The following FGF13 variants were observed in gnomAD, a reference collection of about 807,000 sequenced individuals.
FGF13 encodes the protein fibroblast growth factor 13, also known as fibroblast growth factor homologous factor 2.
A neutral mutation model predicts 19.5 loss-of-function variants in FGF13; 2 were observed. That is an observed-to-expected ratio of 0.10 (90% confidence interval 0.04 to 0.32). The LOEUF (loss-of-function observed/expected upper bound fraction) is 0.32. Ranked by LOEUF, FGF13 falls within the 10% of genes least tolerant of loss-of-function variation. FGF13 has a pLI of 1.00. For synonymous variants in FGF13, 72 were observed against 76.9 expected (o/e 0.94, Z 0.33); for missense variants, 113 against 192.7 (o/e 0.59, Z 2.45).
At chrX:138,742,531 A>G (rs1310395370), upstream of FGF13, among the ~76,000 whole-genome samples, 1 of 111,016 alleles carries the variant, frequency 9.0e-6, no homozygotes, top group Non-Finnish European at 1.9e-5. Context: ...TTGACGAATA[A>G]TACCCCGGAG....
chrX:139,065,841 C>T (rs891932916), intron 1 of FGF13, among the ~76,000 whole-genome samples: 1 of 111,640 alleles, frequency 9.0e-6, no homozygotes, highest in African/African-American at 3.3e-5. Flanking sequence ...ATCTACAGAA[C>T]TCTGCACCCT....
chrX:138,697,105 A>G (rs2089903828), intron 3 of FGF13, among the ~76,000 whole-genome samples: 1 of 112,238 alleles, frequency 8.9e-6, no homozygotes, highest in South Asian at 3.7e-4. Context: ...ATATTAACTT[A>G]GGCATGTAAC....
intron 3 of FGF13, among the ~76,000 whole-genome samples, chrX:138,681,821 T>C (rs1030792025): frequency 7.2e-5 from 8 of 111,753 alleles, no homozygotes; most frequent in African/African-American, 2.3e-4. Flanking sequence ...GATGGGGGAA[T>C]GGCCTGTCAG....
At chrX:138,880,031 G>C (rs773998369) in intron 1 of FGF13, among the ~76,000 whole-genome samples, 3 of 112,213 alleles carry the variant, frequency 2.7e-5, no homozygotes, top group Non-Finnish European at 3.8e-5. Flanking sequence ...GATATAAACA[G>C]ACACTTCTTA....
At chrX:139,149,937 T>C (rs994716651) in intron 1 of FGF13, among the ~76,000 whole-genome samples, 1 of 111,367 alleles carries the variant, frequency 9.0e-6, no homozygotes, top group African/African-American at 3.3e-5. Flanking sequence ...AGGTGCACAA[T>C]TGCACACACC....
At chrX:138,967,436 T>C (rs1014673967) in intron 1 of FGF13, among the ~76,000 whole-genome samples, 3 of 111,501 alleles carry the variant, frequency 2.7e-5, no homozygotes, top group African/African-American at 9.8e-5. Flanking sequence ...AGGAGAGCCA[T>C]TAAGAAAAAA....
At chrX:138,707,669 T>C (rs1035426430) in intron 2 of FGF13, among the ~76,000 whole-genome samples, 4 of 112,174 alleles carry the variant, frequency 3.6e-5, no homozygotes, top group African/African-American at 9.7e-5. Flanking sequence ...AACAGTGACA[T>C]AGAACTTTTG....
At chrX:138,764,615 G>A (rs894611337) in intron 3 of FGF13, among the ~76,000 whole-genome samples, 10 of 112,356 alleles carry the variant, frequency 8.9e-5, no homozygotes, top group African/African-American at 3.2e-4. Flanking sequence ...TATAGAACCT[G>A]CCATTAGTTA....
At chrX:138,687,480 A>C (rs1024146860) in intron 3 of FGF13, among the ~76,000 whole-genome samples, 3 of 112,122 alleles carry the variant, frequency 2.7e-5, no homozygotes, top group African/African-American at 9.7e-5. Flanking sequence ...AAAATGGCTA[A>C]TATAAAACAA....
Position 138,782,441 on chromosome X carries a change from A to C in FGF13, c.218-73513T>G, listed in dbSNP as rs1218486574. 1.7e-4 allele frequency among the ~76,000 whole-genome samples: 19 copies of C among 111,044 alleles called. No individual in the cohort carries two copies. In the Admixed American group the frequency reaches 1.8e-3, roughly 11 times the overall value. ...ATTGTCTCAGCCCAAAATCTCCTTA[A>C]GCTGATAAGCAACTTCAGCAAAGTC... On this transcript the variant is annotated intron_variant, in intron 3 of 6. Transcript: ENST00000436198.
chrX:138,992,599 G>A (rs1370099057), intron 1 of FGF13, among the ~76,000 whole-genome samples: 1 of 110,319 alleles, frequency 9.1e-6, no homozygotes, highest in South Asian at 3.9e-4. Flanking sequence ...AAATACCTTG[G>A]AGTATATACT....
rs56411673 is a variant in FGF13 at position 138,772,018 on chromosome X, GTATATATATATATATATA to G, written c.218-63108_218-63091del. Among the ~76,000 whole-genome samples the G allele has an allele frequency of 5.5e-4, 31 of 56,520 alleles. 1 individual carries two copies. The highest frequency in any genetic ancestry group is 1.2e-3 in the South Asian group (1 of 837). The allele number at this position is 56,520 out of a possible 115,157, so 49.1% of individuals were successfully genotyped here. ...AAAGCAAATATTAAGATACATATGTGTATATATATATATATATATATATATATATATATATATATAGTA... is the reference window on the plus strand; with the variant it reads ...AAAGCAAATATTAAGATACATATGTGTATATATATATATATATATATAGTA... On this transcript the variant is annotated intron_variant, in intron 3 of 6. Transcript: ENST00000436198.
At position 138,627,311 on chromosome X, in the gene FGF13, C is replaced by A. The variant is rs1372260323; in HGVS notation, c.*5539G>T. On this transcript the variant is annotated 3_prime_UTR_variant, in exon 5 of 5. Coordinates refer to ENST00000315930, the MANE Select transcript of FGF13 (RefSeq NM_004114.5). ...CTCAATCATTATCCCATACGTTTCT[C>A]TTACTCTAATTGCTAACTTTACACA... 3 of 111,758 alleles carry A rather than the reference C, an allele frequency of 2.7e-5. No individual in the cohort carries two copies. The highest frequency in any genetic ancestry group is 3.8e-5 in the Non-Finnish European group (2 of 53,203). The allele number at this position is 111,758 out of a possible 1,213,427, so 9.2% of individuals were successfully genotyped here.
intron 1 of FGF13, among the ~76,000 whole-genome samples, chrX:138,906,150 C>A (rs1366919134): frequency 9.0e-6 from 1 of 111,597 alleles, no homozygotes; most frequent in African/African-American, 3.3e-5. Flanking sequence ...GATGATCAAA[C>A]CCTGGCTGTA....
chrX:138,698,733 G>A (rs1418969927), intron 3 of FGF13, among the ~76,000 whole-genome samples: 1 of 111,549 alleles, frequency 9.0e-6, no homozygotes, highest in Non-Finnish European at 1.9e-5. Flanking sequence ...TAATTCTGAT[G>A]GGTACCTAAG....
At chrX:139,186,956 G>A (rs2084287768) in intron 1 of FGF13, among the ~76,000 whole-genome samples, 1 of 112,276 alleles carries the variant, frequency 8.9e-6, no homozygotes, top group Non-Finnish European at 1.9e-5. Flanking sequence ...CAGGGCATCT[G>A]CTATTACAGC....
At chrX:139,080,206 A>C (rs764990543) in intron 1 of FGF13, among the ~76,000 whole-genome samples, 38 of 111,579 alleles carry the variant, frequency 3.4e-4, no homozygotes, top group Non-Finnish European at 5.6e-4. Context: ...TACACTACTA[A>C]AAATACTCTA....
At chrX:138,654,242 AAAG>A (rs1474103985) in intron 3 of FGF13, among the ~76,000 whole-genome samples, 1 of 112,464 alleles carries the variant, frequency 8.9e-6, no homozygotes, top group East Asian at 2.8e-4. Flanking sequence ...ACAATTTCCT[AAAG>A]AAGAAGTTTA....
chrX:138,661,107 T>C (rs1193169983), intron 3 of FGF13, among the ~76,000 whole-genome samples: 1 of 111,405 alleles, frequency 9.0e-6, no homozygotes, highest in Non-Finnish European at 1.9e-5. Context: ...AGTTAACAGA[T>C]AACAAGTGAC....
Sources: allele counts gnomAD v4.1 joint callset (sites outside exome capture counted in the v4.1 genomes callset), GRCh38; gene constraint gnomAD v4.1.1; transcripts MANE v1.5; gene names NCBI Gene and HGNC (gene_info 2026-07-23, HGNC 2026-07-21).